The following CYBA variants were observed in gnomAD, a reference collection of about 807,000 sequenced individuals.
CYBA encodes the protein cytochrome b-245 alpha chain.
A neutral mutation model predicts 20.8 loss-of-function variants in CYBA; 21 were observed. The ratio of observed to expected loss-of-function variants is 1.01; its 90% CI spans 0.72 to 1.46. CYBA has a LOEUF of 1.46. Among genes scored for constraint, CYBA ranks in the 40% most tolerant of loss-of-function variants. The pLI is 0.00. For missense variants in CYBA, 344 were observed against 287.0 expected (o/e 1.20, Z -1.43); for synonymous variants, 164 against 127.5 (o/e 1.29, Z -1.93).
intron 1 of CYBA, chr16:88,650,281 T>C: frequency 2.3e-6 from 1 of 430,750 alleles, no homozygotes; most frequent in Non-Finnish European, 4.8e-6. Context: ...TCCCTGGCCC[T>C]GGTCCCGAGA....
intron 5 of CYBA, chr16:88,645,789 G>T: frequency 1.9e-6 from 1 of 540,168 alleles, no homozygotes; most frequent in Middle Eastern, 4.8e-4. Context: ...GTCTTCGGCC[G>T]GCTGCGTGAC....
Position 88,643,613 on chromosome 16 carries a change from C to CCCCA in CYBA, c.370-43_370-42insTGGG. On this transcript the variant is annotated intron_variant, in intron 5 of 5. Transcript: ENST00000261623. This position sits in a 1 kb window ranked among gnomAD's most constrained non-coding sequence, Gnocchi z 4.3. ...GGTTGAGCCGCGCCCCAGCGCCCGC[C>CCCCA]CTCCCTCCCTCCCTCCCTCCCCGGA... The CCCCA allele has an allele frequency of 7.0e-7, 1 of 1,430,926 alleles. No homozygotes were observed. Among genetic ancestry groups the CCCCA allele is most frequent in the Admixed American group, 2.1e-5 (1 of 48,632 alleles). 88.6% of individuals were successfully genotyped at this position (1,430,926 alleles called of 1,614,324 possible). A position where few individuals can be genotyped will look rare whatever the true frequency, so the allele number is the denominator to read the frequency against.
intron 2 of CYBA, 102 bp from the exon 3 acceptor site, chr16:88,647,277 C>A (rs889216915): frequency 8.7e-7 from 1 of 1,149,796 alleles, no homozygotes; most frequent in Non-Finnish European, 1.3e-6. Context: ...CACGGTGGCT[C>A]ATGCCTGGAA....
chr16:88,648,198 C>T lies in CYBA; in HGVS notation c.59-84G>A, dbSNP rs576572338. 786 of 1,323,594 alleles carry T rather than the reference C, an allele frequency of 5.9e-4. 1 individual carries two copies. The highest frequency in any genetic ancestry group is 7.8e-4 in the Non-Finnish European group (735 of 948,350). 82.0% of individuals were successfully genotyped at this position (1,323,594 alleles called of 1,614,324 possible). A position where few individuals can be genotyped will look rare whatever the true frequency, so the allele number is the denominator to read the frequency against. ...CCCCTTCTCTACCTACTGTGGGCCACCAGGCCACCCAGAGCTGCCCCCTAC... is the reference window on the plus strand; with the variant it reads ...CCCCTTCTCTACCTACTGTGGGCCATCAGGCCACCCAGAGCTGCCCCCTAC... On this transcript the variant is annotated intron_variant, in intron 1 of 5. Transcript: ENST00000261623.
intron 4 of CYBA, 45 bp from the exon 5 acceptor site, chr16:88,646,242 G>A: frequency 6.7e-7 from 1 of 1,503,202 alleles, no homozygotes; most frequent in Non-Finnish European, 9.0e-7. Context: ...AGGGCACTCA[G>A]AAAGGGGAAC....
In CYBA at chr16:88,650,882, A is replaced by T. The variant is rs1215213017; in HGVS notation, c.58+74T>A. ...CGCCCCACTTCCCCACCCTGTAAGT[A>T]GCCCGAGGTCCCGGCTGGGGTCTTG... On this transcript the variant is annotated intron_variant, in intron 1 of 5. Transcript: ENST00000261623. The T allele has an allele frequency of 3.4e-6, 5 of 1,470,068 alleles. No homozygotes were observed. The Admixed American group carries it at 9.8e-5, about 29-fold the overall frequency. The allele number at this position is 1,470,068 out of a possible 1,614,324, so 91.1% of individuals were successfully genotyped here. A position where few individuals can be genotyped will look rare whatever the true frequency, so the allele number is the denominator to read the frequency against.
chr16:88,650,193 C>T, intron 1 of CYBA: 1 of 357,226 alleles, frequency 2.8e-6, no homozygotes, highest in Non-Finnish European at 5.7e-6. Flanking sequence ...GGTGCAGGTC[C>T]TTCCTGGAGC....
At chr16:88,646,954 CG>C in intron 3 of CYBA, 116 bp from the exon 4 acceptor site, 1 of 1,183,140 alleles carries the variant, frequency 8.5e-7, no homozygotes. Flanking sequence ...CAAAACACAC[CG>C]GGCAGGCACC....
At chr16:88,649,576 C>T (rs936030198) in intron 1 of CYBA, among the ~76,000 whole-genome samples, 1 of 152,192 alleles carries the variant, frequency 6.6e-6, no homozygotes, top group Non-Finnish European at 1.5e-5. Context: ...TGGGGCTGCA[C>T]GGTCTGGAAG....
chr16:88,646,162 A>G lies in CYBA; in HGVS notation c.323T>C (p.Ile108Thr). The G allele has an allele frequency of 6.4e-7, 1 of 1,560,924 alleles. No homozygotes were observed. The highest frequency in any genetic ancestry group is 1.4e-5 in the African/African-American group (1 of 73,688). The stretch of plus-strand genomic sequence containing the variant: ...AATGGCCAGGCAGGCGGTCCCAAGG[A>G]TGGTGGCCAGCAGGAAGCCGGCGGG... ...SVPAGFLLAT[I>T]LGTACLAIAS... The change falls in exon 5 of 6, where the codon ATC (isoleucine) becomes ACC (threonine). Residue 108 changes from isoleucine (I) to threonine (T), a missense_variant. Ile to Thr is a moderately conservative substitution (Grantham distance 89). Transcript: ENST00000261623.
rs539143427 is a variant in CYBA at position 88,649,559 on chromosome 16, T to C, written c.58+1397A>G. 5.9e-5 allele frequency among the ~76,000 whole-genome samples: 9 copies of C among 152,360 alleles called. No homozygotes were observed. The South Asian group carries it at 1.2e-3, about 21-fold the overall frequency. On this transcript the variant is annotated intron_variant, in intron 1 of 5. Transcript: ENST00000261623. ...AAGGCCCTGCTGTCTCCGGGCCAGC[T>C]GCCTCCTGGGGCTGCACGGTCTGGA...
At chr16:88,650,658 TC>T (rs1567610774) in intron 1 of CYBA, 2 of 588,864 alleles carry the variant, frequency 3.4e-6, no homozygotes, top group Non-Finnish European at 6.3e-6. Flanking sequence ...AACCGCCTCT[TC>T]CCCTGCGCTG....
chr16:88,646,842 G>C lies in CYBA; in HGVS notation c.204-4C>G, dbSNP rs377055239. The C allele has an allele frequency of 1.4e-5, 22 of 1,611,756 alleles. No individual in the cohort carries two copies. In the African/African-American group the frequency reaches 2.8e-4, roughly 21 times the overall value. ...GGCGGTCATGTACTTCTGTCCCCTG[G>C]GGGAGGGAGGAAGGCGAGACGGCGC... On this transcript the variant is annotated splice_region_variant and splice_polypyrimidine_tract_variant and intron_variant, in intron 3 of 5. Coordinates refer to ENST00000261623, the MANE Select transcript of CYBA (RefSeq NM_000101.4).
chr16:88,650,846 G>C, intron 1 of CYBA, 110 bp downstream of exon 1: 2 of 1,246,778 alleles, frequency 1.6e-6, no homozygotes, highest in African/African-American at 1.5e-5. Context: ...GGCCCGGCCT[G>C]GCCCGCCTGG....
intron 2 of CYBA, 86 bp downstream of exon 2, chr16:88,647,959 G>A (rs1488573015): frequency 9.1e-6 from 12 of 1,313,704 alleles, no homozygotes; most frequent in Non-Finnish European, 1.3e-5. Context: ...GTGGTGGGGA[G>A]CGGAGGCAAA....
rs104894514 is a variant in CYBA at position 88,646,131 on chromosome 16, G to T, written c.354C>A (p.Ser118Arg). 1.2e-5 allele frequency: 19 copies of T among 1,555,432 alleles called. No individual in the cohort carries two copies. The Admixed American group carries it at 1.7e-4, about 14-fold the overall frequency. Residue 118 changes from serine to arginine, a missense_variant, in exon 5 of 6, where the codon AGC (serine) becomes AGA (arginine). Ser to Arg is a moderately radical substitution (Grantham distance 110). Coordinates refer to ENST00000261623, the MANE Select transcript of CYBA (RefSeq NM_000101.4). Reference sequence around the variant, plus strand: ...CGCCACTCACCAGTAGGTAGATGCCGCTCGCAATGGCCAGGCAGGCGGTCC... The same window carrying T: ...CGCCACTCACCAGTAGGTAGATGCCTCTCGCAATGGCCAGGCAGGCGGTCC... Reference protein sequence around the residue: ...ILGTACLAIASGIYLLAAVRG... With the variant: ...ILGTACLAIARGIYLLAAVRG...
chr16:88,648,146 G>T (rs927214859), intron 1 of CYBA, 32 bp from the exon 2 acceptor site: 48 of 1,595,684 alleles, frequency 3.0e-5, no homozygotes, highest in Non-Finnish European at 3.9e-5. Context: ...GCACTGTGGG[G>T]CTCCCGTCCC....
chr16:88,648,774 T>C (rs572727465), intron 1 of CYBA, among the ~76,000 whole-genome samples: 17 of 150,498 alleles, frequency 1.1e-4, no homozygotes, highest in East Asian at 5.9e-4. Context: ...CCCGCCACCA[T>C]GCCCAGCTAA....
intron 1 of CYBA, among the ~76,000 whole-genome samples, chr16:88,649,444 C>T (rs959030436): frequency 1.1e-4 from 17 of 152,188 alleles, no homozygotes; most frequent in African/African-American, 2.2e-4. Context: ...GCAAAGCTGC[C>T]GCTGGTGCCA....
Sources: gnomAD v4.1 joint callset for allele counts (sites outside exome capture counted in the v4.1 genomes callset) on GRCh38, gnomAD v4.1.1 for gene constraint, Gnocchi (gnomAD v3.1) non-coding constraint, MANE v1.5 for transcripts, NCBI Gene and HGNC (gene_info 2026-07-23, HGNC 2026-07-21) for gene names.